Variants in BCL2L11 observed in about 807,000 individuals in gnomAD.
BCL2L11 encodes the protein bcl-2-like protein 11.
In BCL2L11, 15 loss-of-function variants were observed where a neutral mutation model predicts 20.6. That is an observed-to-expected ratio of 0.73 (90% CI 0.49 to 1.12). The LOEUF (loss-of-function observed/expected upper bound fraction) is 1.12, where lower values mean the gene tolerates loss of function less well. BCL2L11 is among the 50% of genes most tolerant of loss of function. The pLI, the probability that BCL2L11 is intolerant of heterozygous loss-of-function variation, is 0.00. For missense variants in BCL2L11, 292 were observed against 260.9 expected (o/e 1.12, Z -0.82); for synonymous variants, 108 against 92.8 (o/e 1.16, Z -0.94).
chr2:111,124,262 G>T (rs1055494040), intron 2 of BCL2L11, 123 bp downstream of exon 2: 4 of 1,169,654 alleles, frequency 3.4e-6, no homozygotes, highest in East Asian at 2.5e-5. Context: ...CTTTAGATGG[G>T]AATGGAGGAT....
chr2:111,122,934 G>A (rs924778525), intron 1 of BCL2L11: 8 of 985,456 alleles, frequency 8.1e-6, no homozygotes, highest in African/African-American at 1.7e-5. Context: ...GTGAGTTTCG[G>A]TGTGATTGCC....
rs1258230355 is a variant in BCL2L11, at chr2:111,168,075, G to C, written c.*3844G>C. 6.5e-6 allele frequency: 1 copy of C among 152,684 alleles called. No individual in the cohort carries two copies. The highest frequency in any genetic ancestry group is 2.4e-5 in the African/African-American group (1 of 41,472). 9.5% of individuals were successfully genotyped at this position (152,684 alleles called of 1,614,324 possible). On this transcript the variant is annotated 3_prime_UTR_variant, in exon 4 of 4. Coordinates refer to ENST00000393256, the MANE Select transcript of BCL2L11 (RefSeq NM_138621.5). ...GTTGGGGTCTACTCTAAACAGCATTGTGTGTAAGAAGCATCCTCAAGCTCC... is the reference window on the plus strand; with the variant it reads ...GTTGGGGTCTACTCTAAACAGCATTCTGTGTAAGAAGCATCCTCAAGCTCC...
chr2:111,122,682 G>T (rs1399341001), intron 1 of BCL2L11: 9 of 982,598 alleles, frequency 9.2e-6, no homozygotes, highest in Non-Finnish European at 1.1e-5. Flanking sequence ...GGCCGGGGCA[G>T]CGCGGGCCAG....
chr2:111,141,046 C>T (rs966168421), intron 2 of BCL2L11, among the ~76,000 whole-genome samples: 54 of 152,286 alleles, frequency 3.5e-4, no homozygotes, highest in African/African-American at 1.2e-3. Context: ...GCAGGTGACC[C>T]AGCCCAGCCT....
intron 2 of BCL2L11, chr2:111,142,243 T>TGACA: frequency 7.4e-7 from 1 of 1,345,036 alleles, no homozygotes. Flanking sequence ...TTTCCTTCTG[T>TGACA]GACAAAACAA....
chr2:111,148,525 G>A (rs1331884343), intron 2 of BCL2L11, among the ~76,000 whole-genome samples: 2 of 152,164 alleles, frequency 1.3e-5, no homozygotes, highest in East Asian at 1.9e-4. Flanking sequence ...AGATTTGTTA[G>A]AAATATTTGT....
intron 1 of BCL2L11, chr2:111,123,013 A>G (rs2071500175): frequency 2.0e-6 from 2 of 983,982 alleles, no homozygotes; most frequent in Non-Finnish European, 2.4e-6. Context: ...CTGCGGACCT[A>G]GTTGTAGACC....
At chr2:111,142,441 C>T (rs1347818943) in intron 2 of BCL2L11, 1 of 1,395,752 alleles carries the variant, frequency 7.2e-7, no homozygotes, top group Admixed American at 2.0e-5. Context: ...AAGCAGCTGC[C>T]TTTTGTGACT....
chr2:111,138,471 A>G (rs1362779379), intron 2 of BCL2L11, among the ~76,000 whole-genome samples: 3 of 152,192 alleles, frequency 2.0e-5, no homozygotes, highest in African/African-American at 4.8e-5. Context: ...GTCACTGGGC[A>G]TGCATACCTT....
intron 2 of BCL2L11, among the ~76,000 whole-genome samples, chr2:111,144,793 C>A (rs2076284645): frequency 6.6e-6 from 1 of 152,050 alleles, no homozygotes; most frequent in Non-Finnish European, 1.5e-5. Flanking sequence ...AAGAAATGGC[C>A]CTTTACAGGA....
intron 2 of BCL2L11, chr2:111,130,037 G>A (rs1233501178): frequency 8.8e-6 from 3 of 342,592 alleles, no homozygotes; most frequent in Non-Finnish European, 1.7e-5. Flanking sequence ...GTGTTTGCAT[G>A]TTCTGGCAAG....
At chr2:111,142,263 C>T (rs574204935) in intron 2 of BCL2L11, 1 of 1,469,722 alleles carries the variant, frequency 6.8e-7, no homozygotes, top group East Asian at 2.5e-5. Context: ...AGTTATCTGT[C>T]TGGGAAGACA....
intron 2 of BCL2L11, among the ~76,000 whole-genome samples, chr2:111,133,527 T>C (rs2074318950): frequency 6.6e-6 from 1 of 152,230 alleles, no homozygotes; most frequent in South Asian, 2.1e-4. Flanking sequence ...CAAAAATACC[T>C]AAGTGTGTTT....
chr2:111,133,447 C>T (rs1018275906), intron 2 of BCL2L11, among the ~76,000 whole-genome samples: 2 of 152,154 alleles, frequency 1.3e-5, no homozygotes, highest in Admixed American at 6.5e-5. Flanking sequence ...TGAGTTCTGT[C>T]TATATATTTT....
intron 1 of BCL2L11, chr2:111,123,022 C>T (rs1254267210): frequency 3.1e-6 from 3 of 982,816 alleles, no homozygotes; most frequent in Non-Finnish European, 3.6e-6. Context: ...TAGTTGTAGA[C>T]CTTGCAGGCG....
Position 111,122,911 on chromosome 2 carries a change from G to A in BCL2L11, c.-13-822G>A, listed in dbSNP as rs2071461012. ...CTGGCCCGGACGCTGCGCTCTGAAG[G>A]GAAGGCGCGGACGTGAGTTTCGGTG... On this transcript the variant is annotated intron_variant, in intron 1 of 3. Coordinates refer to ENST00000393256, the MANE Select transcript of BCL2L11 (RefSeq NM_138621.5). 12 of 985,262 alleles carry A rather than the reference G, an allele frequency of 1.2e-5. 1 individual carries two copies. The South Asian group carries it at 5.6e-4, about 46-fold the overall frequency. 61.0% of individuals were successfully genotyped at this position (985,262 alleles called of 1,614,324 possible). A position where few individuals can be genotyped will look rare whatever the true frequency, so the allele number is the denominator to read the frequency against.
At chr2:111,129,903 A>G (rs143650317) in intron 2 of BCL2L11, among the ~76,000 whole-genome samples, 1 of 152,318 alleles carries the variant, frequency 6.6e-6, no homozygotes, top group Non-Finnish European at 1.5e-5. Context: ...TTCACTTAGC[A>G]TAATTCCCTT....
intron 2 of BCL2L11, among the ~76,000 whole-genome samples, chr2:111,147,593 T>A (rs909189576): frequency 6.6e-5 from 10 of 152,206 alleles, no homozygotes; most frequent in Admixed American, 5.2e-4. Flanking sequence ...TCCTACCTGC[T>A]GGCTAGGTTG....
Position 111,127,243 on chromosome 2 carries a change from T to C in BCL2L11, c.394+3104T>C, listed in dbSNP as rs61584108. Reference sequence around the variant, plus strand: ...TGAGTGTTTTATGCCATATGTGTTTTTAATGGAAATTAAAGTGTAGTCAGT... The same window carrying C: ...TGAGTGTTTTATGCCATATGTGTTTCTAATGGAAATTAAAGTGTAGTCAGT... On this transcript the variant is annotated intron_variant, in intron 2 of 3. Transcript: ENST00000393256. Among the ~76,000 whole-genome samples, 591 of 152,220 alleles carry C rather than the reference T, an allele frequency of 3.9e-3. 3 individuals are homozygous for C. The highest frequency in any genetic ancestry group is 0.014 in the African/African-American group (566 of 41,548).
Sources: gnomAD v4.1 joint callset for allele counts (sites outside exome capture counted in the v4.1 genomes callset) on GRCh38, gnomAD v4.1.1 for gene constraint, MANE v1.5 for transcripts, NCBI Gene and HGNC (gene_info 2026-07-23, HGNC 2026-07-21) for gene names.